FOXP1: variants seen among roughly 807,000 people sequenced by gnomAD.
FOXP1 encodes forkhead box P1, also known as forkhead box protein P1.
Under a neutral mutation model 98.2 loss-of-function variants are expected in FOXP1, and 15 were observed. The observed-to-expected ratio is 0.15, with a 90% CI of 0.10 to 0.24. FOXP1 has a LOEUF of 0.24. Among genes scored for constraint, FOXP1 ranks in the 10% least tolerant of loss-of-function variants. The pLI, the probability that FOXP1 is intolerant of heterozygous loss-of-function variation, is 1.00. For synonymous variants in FOXP1, 371 were observed against 314.5 expected (o/e 1.18, Z -1.90); for missense variants, 633 against 848.5 (o/e 0.75, Z 3.15).
chr3:71,405,798 G>A (rs1017937841), intron 3 of FOXP1, among the ~76,000 whole-genome samples: 6 of 151,616 alleles, frequency 4.0e-5, no homozygotes, highest in Admixed American at 2.0e-4. Context: ...GCTCAATCTC[G>A]GCTCATCACA....
chr3:71,582,050 C>G (rs552811651), intron 1 of FOXP1: 1 of 981,920 alleles, frequency 1.0e-6, no homozygotes, highest in African/African-American at 1.8e-5. Flanking sequence ...AGTCCTTATT[C>G]TCACAGGGGG....
At chr3:71,085,396 T>C (rs529374185) in intron 7 of FOXP1, among the ~76,000 whole-genome samples, 80 of 152,256 alleles carry the variant, frequency 5.3e-4, no homozygotes, top group African/African-American at 1.8e-3. Flanking sequence ...GCAATTCTCT[T>C]GCCTTGGCCT....
intron 2 of FOXP1, among the ~76,000 whole-genome samples, chr3:71,514,115 T>G (rs2042393554): frequency 6.6e-6 from 1 of 152,198 alleles, no homozygotes; most frequent in South Asian, 2.1e-4. Context: ...TGGCCCCAAC[T>G]GGCTCTCAGG....
At chr3:71,178,794 G>T (rs1439036214) in intron 6 of FOXP1, among the ~76,000 whole-genome samples, 2 of 151,928 alleles carry the variant, frequency 1.3e-5, no homozygotes, top group African/African-American at 4.8e-5. Flanking sequence ...TGAAGCAGGA[G>T]AATGGCAGGA....
chr3:71,535,400 T>C (rs906492402), intron 2 of FOXP1, among the ~76,000 whole-genome samples: 1 of 151,994 alleles, frequency 6.6e-6, no homozygotes, highest in Non-Finnish European at 1.5e-5. Context: ...AAAGCAGAGA[T>C]ATGCAGCGAG....
intron 19 of FOXP1, chr3:70,969,278 G>A (rs976149842): frequency 1.3e-5 from 2 of 152,174 alleles, no homozygotes; most frequent in Non-Finnish European, 2.9e-5. Context: ...TGGCAGCATC[G>A]AAGCATGCTT....
intron 2 of FOXP1, among the ~76,000 whole-genome samples, chr3:71,552,279 T>C (rs1010954134): frequency 6.6e-6 from 1 of 152,074 alleles, no homozygotes; most frequent in Non-Finnish European, 1.5e-5. Flanking sequence ...AACACAGCCC[T>C]AATGAAATTT....
In FOXP1 at chr3:71,535,104, T is replaced by G. The variant is rs1456367304; in HGVS notation, c.-297-41549A>C. On this transcript the variant is annotated intron_variant, in intron 2 of 20. Coordinates refer to ENST00000649528, the MANE Select transcript of FOXP1 (RefSeq NM_001349338.3). ...AGTAATAGTGCAAATGATGAGCAAA[T>G]GCCCGGGAGCAAAAGGAGCTGAAAA... Among the ~76,000 whole-genome samples the G allele has an allele frequency of 3.3e-5, 5 of 152,250 alleles. No homozygotes were observed. In the East Asian group the frequency reaches 9.7e-4, roughly 29 times the overall value.
At chr3:71,447,649 G>A (rs937767534) in intron 3 of FOXP1, among the ~76,000 whole-genome samples, 4 of 152,192 alleles carry the variant, frequency 2.6e-5, no homozygotes, top group Admixed American at 6.5e-5. Context: ...TTCTTTAAAG[G>A]AAGCTCATCC....
chr3:71,383,648 T>C (rs2080347402), intron 3 of FOXP1, among the ~76,000 whole-genome samples: 1 of 152,114 alleles, frequency 6.6e-6, no homozygotes, highest in South Asian at 2.1e-4. Flanking sequence ...AGCAGGGGTG[T>C]CTGTGCACAT....
At chr3:71,263,052 G>A (rs2069310235) in intron 5 of FOXP1, among the ~76,000 whole-genome samples, 1 of 152,190 alleles carries the variant, frequency 6.6e-6, no homozygotes, top group Admixed American at 6.5e-5. Context: ...GACCCTGAAA[G>A]TGATTCATTT....
chr3:71,371,389 C>T (rs2107984540), intron 3 of FOXP1, among the ~76,000 whole-genome samples: 1 of 152,304 alleles, frequency 6.6e-6, no homozygotes, highest in African/African-American at 2.4e-5. Flanking sequence ...GAAGCCTACT[C>T]TCAAGAACAC....
intron 6 of FOXP1, chr3:71,197,777 C>T: frequency 8.9e-7 from 1 of 1,121,906 alleles, no homozygotes; most frequent in Middle Eastern, 2.9e-4. Flanking sequence ...CCTTACTCAT[C>T]TACTCTTTTT....
At chr3:71,202,493 C>G (rs907140962) in intron 5 of FOXP1, among the ~76,000 whole-genome samples, 1 of 152,196 alleles carries the variant, frequency 6.6e-6, no homozygotes, top group African/African-American at 2.4e-5. Flanking sequence ...TATCACACTT[C>G]ACAAATTGCA....
intron 6 of FOXP1, among the ~76,000 whole-genome samples, chr3:71,125,534 G>C (rs1292683587): frequency 6.6e-6 from 1 of 152,214 alleles, no homozygotes; most frequent in Non-Finnish European, 1.5e-5. Context: ...AAGAAATACA[G>C]ATTTGATTGG....
chr3:71,510,436 C>A (rs888384282), intron 2 of FOXP1, among the ~76,000 whole-genome samples: 1 of 152,034 alleles, frequency 6.6e-6, no homozygotes, highest in Admixed American at 6.6e-5. Context: ...GAGATCCCAC[C>A]ACTGCACTCC....
chr3:71,143,518 G>T (rs1169385926), intron 6 of FOXP1, among the ~76,000 whole-genome samples: 1 of 152,144 alleles, frequency 6.6e-6, no homozygotes, highest in African/African-American at 2.4e-5. Context: ...GAACCACACT[G>T]CACCACAGTT....
At chr3:71,159,851 T>TA (rs1418326957) in intron 6 of FOXP1, among the ~76,000 whole-genome samples, 2 of 152,090 alleles carry the variant, frequency 1.3e-5, no homozygotes, top group Admixed American at 1.3e-4. Flanking sequence ...TTTATGACAA[T>TA]AAACATAAGC....
chr3:71,003,265 G>A (rs553786975), intron 12 of FOXP1, among the ~76,000 whole-genome samples: 3 of 152,310 alleles, frequency 2.0e-5, no homozygotes, highest in East Asian at 1.9e-4. Context: ...ATAATGAAAC[G>A]CAGTGAGAGC....
Sources: gnomAD v4.1 joint callset for allele counts (sites outside exome capture counted in the v4.1 genomes callset) on GRCh38, gnomAD v4.1.1 for gene constraint, MANE v1.5 for transcripts, NCBI Gene and HGNC (gene_info 2026-07-23, HGNC 2026-07-21) for gene names.